SGIP1: variants seen among roughly 807,000 people sequenced by gnomAD.
SGIP1 encodes SH3-containing GRB2-like protein 3-interacting protein 1.
A neutral mutation model predicts 107.5 loss-of-function variants in SGIP1; 38 were observed. The ratio of observed to expected loss-of-function variants is 0.35; its 90% CI spans 0.27 to 0.46. The LOEUF (loss-of-function observed/expected upper bound fraction) is 0.46, where lower values mean the gene tolerates loss of function less well. Among genes scored for constraint, SGIP1 ranks in the 20% least tolerant of loss-of-function variants. The pLI is 1.00. For synonymous variants in SGIP1, 365 were observed against 366.1 expected, an observed-to-expected ratio of 1.00 and a Z score of 0.03; for missense variants, 929 against 1,019.5, an observed-to-expected ratio of 0.91 and a Z score of 1.21.
At chr1:66,679,883 T>C (rs191726663) in intron 14 of SGIP1, 131 bp downstream of exon 14, 6 of 801,020 alleles carry the variant, frequency 7.5e-6, no homozygotes, top group African/African-American at 7.3e-5. Flanking sequence ...CAGTTTTGCT[T>C]TCATTAGAAT....
chr1:66,706,450 A>T (rs1398300372), intron 18 of SGIP1, among the ~76,000 whole-genome samples: 2 of 115,686 alleles, frequency 1.7e-5, no homozygotes, highest in Non-Finnish European at 3.6e-5. Flanking sequence ...ATACACATTT[A>T]TATATAATAT....
intron 5 of SGIP1, 125 bp downstream of exon 5, chr1:66,639,958 A>G: frequency 2.8e-6 from 2 of 711,662 alleles, no homozygotes; most frequent in Non-Finnish European, 4.7e-6. Context: ...AGTGTCTGGC[A>G]TATTTAGGAT....
At chr1:66,598,014 C>T (rs2065045663) in intron 1 of SGIP1, among the ~76,000 whole-genome samples, 1 of 151,974 alleles carries the variant, frequency 6.6e-6, no homozygotes. Flanking sequence ...CACAACTGGC[C>T]AGCATGGAGA....
At chr1:66,625,684 T>C (rs895457299) in intron 1 of SGIP1, among the ~76,000 whole-genome samples, 163 bp from the exon 2 acceptor site, 1 of 152,224 alleles carries the variant, frequency 6.6e-6, no homozygotes, top group Non-Finnish European at 1.5e-5. Context: ...AAAAATGTAA[T>C]AATGAATCAT....
intron 1 of SGIP1, among the ~76,000 whole-genome samples, chr1:66,554,660 C>G (rs2057922346): frequency 6.6e-6 from 1 of 152,092 alleles, no homozygotes. Context: ...GTATATAAAA[C>G]ATAAATGGAT....
At chr1:66,622,673 T>C (rs1230563354) in intron 1 of SGIP1, among the ~76,000 whole-genome samples, 1 of 152,230 alleles carries the variant, frequency 6.6e-6, no homozygotes, top group Non-Finnish European at 1.5e-5. Flanking sequence ...TGTGGCAGTT[T>C]TGGATCCACA....
chr1:66,588,638 C>CTTTTTTTTTTTTTTTTTT (rs35096597), intron 1 of SGIP1, among the ~76,000 whole-genome samples: 7 of 98,668 alleles, frequency 7.1e-5, no homozygotes, highest in African/African-American at 1.1e-4. Context: ...CTAGTTAGTT[C>CTTTTTTTTTTTTTTTTTT]TTTTTTTTTT....
intron 18 of SGIP1, among the ~76,000 whole-genome samples, chr1:66,698,027 T>C (rs181654986): frequency 6.6e-6 from 1 of 152,220 alleles, no homozygotes; most frequent in African/African-American, 2.4e-5. Flanking sequence ...TCAATTTTTA[T>C]TTATTGACTT....
chr1:66,560,198 C>T (rs2058729261), intron 1 of SGIP1, among the ~76,000 whole-genome samples: 1 of 152,002 alleles, frequency 6.6e-6, no homozygotes. Context: ...TTTGACTGTG[C>T]AAAAATAACC....
At chr1:66,712,114 T>C (rs1362970380) in intron 18 of SGIP1, among the ~76,000 whole-genome samples, 8 of 152,166 alleles carry the variant, frequency 5.3e-5, no homozygotes, top group Admixed American at 4.6e-4. Flanking sequence ...ACGTTTAAAA[T>C]AGCACTTACT....
intron 17 of SGIP1, among the ~76,000 whole-genome samples, chr1:66,691,762 T>C (rs1372306485): frequency 6.6e-6 from 1 of 152,196 alleles, no homozygotes; most frequent in East Asian, 1.9e-4. Flanking sequence ...GAGAGGAAAG[T>C]AAGAGTAAAC....
At position 66,639,788 on chromosome 1, in the gene SGIP1, T is replaced by G. The variant is rs762812337; in HGVS notation, c.183T>G (p.Asn61Lys). 1.9e-6 allele frequency: 3 copies of G among 1,611,640 alleles called. No individual in the cohort carries two copies. Among genetic ancestry groups the G allele is most frequent in the Admixed American group, 1.7e-5 (1 of 59,706 alleles). The change falls in exon 5 of 25, where the codon AAT (asparagine) becomes AAG (lysine). Residue 61 changes from asparagine to lysine, a missense_variant. Around this residue, in one of 2 missense-constraint regions of SGIP1, gnomAD observed 588 missense variants for 588.6 expected, o/e 1.00. Transcript: ENST00000371037. ...CAAATTTATTACAGAAGAAAAGCAA[T>G]GGGGCACCAAATGGATTTTATGCGG... ...EGGKKVSKKS[N>K]GAPNGFYAEI...
At chr1:66,634,842 C>T (rs919334533) in intron 3 of SGIP1, among the ~76,000 whole-genome samples, 12 of 152,134 alleles carry the variant, frequency 7.9e-5, no homozygotes, top group Admixed American at 2.0e-4. Context: ...AAGTTTTCCA[C>T]GTTTACTATG....
At position 66,652,496 on chromosome 1, in the gene SGIP1, G is replaced by A. The variant is rs566485184; in HGVS notation, c.460-8017G>A. Among the ~76,000 whole-genome samples, 4 of 152,230 alleles carry A rather than the reference G, an allele frequency of 2.6e-5. No individual in the cohort carries two copies. In the South Asian group the frequency reaches 8.3e-4, roughly 32 times the overall value. ...AAGAATCTGACATTGAGTCATGAAGGAACAATTAGTTTAATCTTCATCCTG... is the reference window on the plus strand; with the variant it reads ...AAGAATCTGACATTGAGTCATGAAGAAACAATTAGTTTAATCTTCATCCTG... On this transcript the variant is annotated intron_variant, in intron 7 of 24. Transcript: ENST00000371037.
chr1:66,612,128 A>G (rs1291553324), intron 1 of SGIP1, among the ~76,000 whole-genome samples: 2 of 152,186 alleles, frequency 1.3e-5, no homozygotes, highest in Non-Finnish European at 2.9e-5. Flanking sequence ...AGAAGATGAA[A>G]TGAAGCCAGT....
chr1:66,740,411 A>G (rs1209770611), intron 22 of SGIP1, among the ~76,000 whole-genome samples: 1 of 152,208 alleles, frequency 6.6e-6, no homozygotes, highest in Non-Finnish European at 1.5e-5. Context: ...ATTTTAAAAA[A>G]AATTAATTCT....
At chr1:66,557,056 T>C (rs910670334) in intron 1 of SGIP1, among the ~76,000 whole-genome samples, 6 of 152,156 alleles carry the variant, frequency 3.9e-5, no homozygotes, top group African/African-American at 1.4e-4. Flanking sequence ...GTAGGTACCC[T>C]GAGATGTGAC....
intron 7 of SGIP1, among the ~76,000 whole-genome samples, chr1:66,659,436 G>C (rs557762656): frequency 2.7e-4 from 41 of 152,348 alleles, no homozygotes; most frequent in African/African-American, 7.9e-4. Flanking sequence ...GGTGACTTGG[G>C]AGATGATAGG....
intron 1 of SGIP1, among the ~76,000 whole-genome samples, chr1:66,600,632 C>T (rs2065614448): frequency 1.3e-5 from 2 of 152,064 alleles, no homozygotes; most frequent in Non-Finnish European, 2.9e-5. Flanking sequence ...AAACAGTGCG[C>T]GATTAGAAAG....
Sources: gnomAD v4.1 joint callset for allele counts (sites outside exome capture counted in the v4.1 genomes callset) on GRCh38, gnomAD v4.1.1 for gene constraint, gnomAD v4.1.1 regional missense constraint, MANE v1.5 for transcripts, NCBI Gene and HGNC (gene_info 2026-07-23, HGNC 2026-07-21) for gene names.